Variants in TCF4 observed in about 807,000 individuals in gnomAD.
The protein encoded by TCF4 is SL3-3 enhancer factor 2.
TCF4 carries 3 observed loss-of-function variants against 82.1 expected under a neutral mutation model. The ratio of observed to expected loss-of-function variants is 0.04; its 90% CI spans 0.02 to 0.09. The LOEUF (loss-of-function observed/expected upper bound fraction) is 0.09, where lower values mean the gene tolerates loss of function less well. Ranked by LOEUF, TCF4 falls within the 10% of genes least tolerant of loss-of-function variation. The probability of loss-of-function intolerance (pLI) is 1.00; values close to 1 mark genes in which losing one functional copy is unlikely to be tolerated. For missense variants in TCF4, 518 were observed against 852.7 expected (o/e 0.61, Z 4.89); for synonymous variants, 276 against 309.6 (o/e 0.89, Z 1.14).
At chr18:55,560,881 C>CA (rs989468536) in intron 3 of TCF4, among the ~76,000 whole-genome samples, 15 of 152,030 alleles carry the variant, frequency 9.9e-5, no homozygotes, top group African/African-American at 2.4e-4. Context: ...AAAACTGTAG[C>CA]AAAATATTGA....
intron 6 of TCF4, among the ~76,000 whole-genome samples, chr18:55,360,783 A>C (rs1314313297): frequency 1.6e-5 from 2 of 124,302 alleles, no homozygotes; most frequent in African/African-American, 6.3e-5. Flanking sequence ...GCTGGAGTGC[A>C]GTGGCGCAAT....
chr18:55,257,202 C>G lies in TCF4; in HGVS notation c.1146+113G>C, dbSNP rs542057574. The G allele has an allele frequency of 6.3e-4, 711 of 1,128,160 alleles. 7 individuals carry two copies. In the South Asian group the frequency reaches 8.5e-3, roughly 13 times the overall value. The allele number at this position is 1,128,160 out of a possible 1,614,324, so 69.9% of individuals were successfully genotyped here. On this transcript the variant is annotated intron_variant, in intron 14 of 19. Coordinates refer to ENST00000354452, the MANE Select transcript of TCF4 (RefSeq NM_001083962.2). ...CTCCCGCAAACCTGTGTGCTTAATG[C>G]TGACTTAAAGTTACTAACAGGGAAA...
intron 6 of TCF4, among the ~76,000 whole-genome samples, chr18:55,365,791 G>A (rs1603374761): frequency 6.6e-6 from 1 of 151,928 alleles, no homozygotes; most frequent in African/African-American, 2.4e-5. Context: ...ACTGAGGAGG[G>A]TGAGGCAGGA....
chr18:55,259,909 T>A (rs578068735), intron 13 of TCF4, 40 bp downstream of exon 13: 1 of 1,537,824 alleles, frequency 6.5e-7, no homozygotes, highest in African/African-American at 1.4e-5. Flanking sequence ...ATCATTCTTA[T>A]AAACTGTTAT....
chr18:55,300,599 T>C (rs907682907), intron 8 of TCF4, among the ~76,000 whole-genome samples: 2 of 152,160 alleles, frequency 1.3e-5, no homozygotes, highest in African/African-American at 4.8e-5. Flanking sequence ...TGTCGGTTCT[T>C]CCAGATCTTT....
At chr18:55,296,481 T>C (rs1045111489) in intron 8 of TCF4, among the ~76,000 whole-genome samples, 2 of 152,146 alleles carry the variant, frequency 1.3e-5, no homozygotes, top group Non-Finnish European at 2.9e-5. Flanking sequence ...CAAGTCATGG[T>C]GTAAGGGTGA....
At chr18:55,569,713 T>C (rs961163554) in intron 3 of TCF4, among the ~76,000 whole-genome samples, 3 of 152,094 alleles carry the variant, frequency 2.0e-5, no homozygotes, top group Non-Finnish European at 4.4e-5. Flanking sequence ...TATAAAACTA[T>C]AATTACGAAA....
chr18:55,257,216 C>T, intron 14 of TCF4, 99 bp downstream of exon 14: 1 of 1,271,844 alleles, frequency 7.9e-7, no homozygotes, highest in South Asian at 1.2e-5. Context: ...CTTAAAGTTA[C>T]TAACAGGGAA....
intron 3 of TCF4, among the ~76,000 whole-genome samples, chr18:55,509,196 A>G (rs1389504663): frequency 6.6e-6 from 1 of 152,204 alleles, no homozygotes; most frequent in Non-Finnish European, 1.5e-5. Context: ...TTCGTAAAGG[A>G]GTACTAGACA....
chr18:55,378,947 A>G (rs1417507297), intron 6 of TCF4, among the ~76,000 whole-genome samples: 3 of 152,222 alleles, frequency 2.0e-5, no homozygotes, highest in Admixed American at 2.0e-4. Context: ...TTGTTTGAAC[A>G]AAGGTGTCAA....
chr18:55,252,137 G>A (rs1324271387), intron 15 of TCF4, among the ~76,000 whole-genome samples: 4 of 152,126 alleles, frequency 2.6e-5, no homozygotes, highest in African/African-American at 4.8e-5. Context: ...AGGCTGAGGA[G>A]CTCAGATTCT....
intron 3 of TCF4, among the ~76,000 whole-genome samples, chr18:55,475,631 T>C (rs2096273995): frequency 6.6e-6 from 1 of 152,236 alleles, no homozygotes; most frequent in South Asian, 2.1e-4. Context: ...GTCTCACTTG[T>C]ACCACTCTTA....
chr18:55,484,003 G>C (rs1263798492), intron 3 of TCF4, among the ~76,000 whole-genome samples: 1 of 152,176 alleles, frequency 6.6e-6, no homozygotes, highest in Non-Finnish European at 1.5e-5. Flanking sequence ...ATACATCAGA[G>C]AAAGTCAGGG....
At chr18:55,635,206 G>C (rs2097735129) in intron 1 of TCF4, among the ~76,000 whole-genome samples, 1 of 152,104 alleles carries the variant, frequency 6.6e-6, no homozygotes, top group Admixed American at 6.5e-5. Context: ...TACAGTCTCA[G>C]CAAGAATCTC....
intron 8 of TCF4, among the ~76,000 whole-genome samples, chr18:55,291,429 T>G (rs1412077861): frequency 6.6e-6 from 1 of 152,164 alleles, no homozygotes; most frequent in Non-Finnish European, 1.5e-5. Flanking sequence ...ACAGTGAGTT[T>G]CCAATCTGGT....
At chr18:55,588,293 C>A, upstream of TCF4, 1 of 1,443,100 alleles carries the variant, frequency 6.9e-7, no homozygotes, top group Non-Finnish European at 9.1e-7. Context: ...CCGAGGCGCA[C>A]GGAATTGCAA....
chr18:55,348,269 C>T (rs1055179264), intron 8 of TCF4, among the ~76,000 whole-genome samples: 1 of 152,004 alleles, frequency 6.6e-6, no homozygotes, highest in Admixed American at 6.6e-5. Context: ...TATAAAATTA[C>T]CTAAACTTGT....
At chr18:55,363,521 C>T (rs1294037792) in intron 6 of TCF4, among the ~76,000 whole-genome samples, 1 of 152,090 alleles carries the variant, frequency 6.6e-6, no homozygotes, top group Non-Finnish European at 1.5e-5. Context: ...AAACATTACC[C>T]AGCTGGGCGT....
chr18:55,346,548 T>C (rs1052109026), intron 8 of TCF4, among the ~76,000 whole-genome samples: 1 of 152,128 alleles, frequency 6.6e-6, no homozygotes, highest in East Asian at 1.9e-4. Flanking sequence ...TCATAAACTA[T>C]TTCTAAGGAT....
Sources: allele counts gnomAD v4.1 joint callset (sites outside exome capture counted in the v4.1 genomes callset), GRCh38; gene constraint gnomAD v4.1.1; transcripts MANE v1.5; gene names NCBI Gene and HGNC (gene_info 2026-07-23, HGNC 2026-07-21).